The following OR51B5 variants were observed in gnomAD, a reference collection of about 807,000 sequenced individuals.
OR51B5 encodes the protein olfactory receptor 51B5.
For synonymous variants in OR51B5, 186 were observed against 144.8 expected (o/e 1.28, Z -2.04); for missense variants, 456 against 374.6 (o/e 1.22, Z -1.79).
chr11:5,488,629 TA>T, intron 1 of OR51B5: 1 of 1,106,946 alleles, frequency 9.0e-7, no homozygotes, highest in Non-Finnish European at 1.3e-6. Context: ...TTGTTTTACA[TA>T]AATCAACCAA....
chr11:5,365,790 T>TA (rs1849355698), intron 1 of OR51B5, among the ~76,000 whole-genome samples: 1 of 152,224 alleles, frequency 6.6e-6, no homozygotes, highest in Admixed American at 6.5e-5. Context: ...TCACCTCCAT[T>TA]ACCCACATTG....
chr11:5,384,414 C>A (rs1459941138), intron 1 of OR51B5, among the ~76,000 whole-genome samples: 184 of 152,318 alleles, frequency 1.2e-3, no homozygotes, highest in African/African-American at 4.2e-3. Flanking sequence ...CTGATATTCT[C>A]AGAGTCTATG....
chr11:5,444,378 G>A (rs1230611758), intron 1 of OR51B5, among the ~76,000 whole-genome samples: 1 of 152,104 alleles, frequency 6.6e-6, no homozygotes, highest in Non-Finnish European at 1.5e-5. Context: ...AAATGATGCA[G>A]CAGTACCTTA....
rs11036977 is a variant in OR51B5 at position 5,357,328 on chromosome 11, C to T, written n.85-10418G>A. Among the ~76,000 whole-genome samples, 19 of 149,562 alleles carry T rather than the reference C, an allele frequency of 1.3e-4. No homozygotes were observed. In the East Asian group the frequency reaches 2.7e-3, roughly 21 times the overall value. On this transcript the variant is annotated intron_variant and non_coding_transcript_variant, in intron 1 of 4. Transcript: ENST00000415970. Reference sequence around the variant, plus strand: ...AAAAAAAGGCAGGGGTTGCAATCCTCATCTCTGATAAAACAGGCTTTAAAC... The same window carrying T: ...AAAAAAAGGCAGGGGTTGCAATCCTTATCTCTGATAAAACAGGCTTTAAAC...
At chr11:5,377,699 C>T (rs1286000893) in intron 1 of OR51B5, among the ~76,000 whole-genome samples, 4 of 152,082 alleles carry the variant, frequency 2.6e-5, no homozygotes, top group Non-Finnish European at 5.9e-5. Context: ...CATGAGGGAA[C>T]TCCCATTCAC....
intron 1 of OR51B5, among the ~76,000 whole-genome samples, chr11:5,472,439 G>C (rs887601427): frequency 6.6e-6 from 1 of 152,004 alleles, no homozygotes; most frequent in Non-Finnish European, 1.5e-5. Flanking sequence ...TCCACTGAAG[G>C]GAGAAATACC....
chr11:5,385,816 G>GATTTTT (rs1849683302), intron 1 of OR51B5, among the ~76,000 whole-genome samples: 1 of 148,426 alleles, frequency 6.7e-6, no homozygotes, highest in South Asian at 2.1e-4. Flanking sequence ...AATCTATAAA[G>GATTTTT]TATATAAAGA....
chr11:5,436,572 T>G (rs913716086), intron 1 of OR51B5, among the ~76,000 whole-genome samples: 2 of 152,232 alleles, frequency 1.3e-5, no homozygotes, highest in Non-Finnish European at 2.9e-5. Context: ...AAGCAGTCTC[T>G]GGCAGCTTTA....
At chr11:5,442,007 T>C (rs2133777229) in intron 1 of OR51B5, among the ~76,000 whole-genome samples, 1 of 152,276 alleles carries the variant, frequency 6.6e-6, no homozygotes, top group Admixed American at 6.5e-5. Flanking sequence ...CTAAATTTAC[T>C]GTTTTCATAT....
At chr11:5,430,210 C>A (rs918122481) in intron 1 of OR51B5, among the ~76,000 whole-genome samples, 1 of 151,340 alleles carries the variant, frequency 6.6e-6, no homozygotes, top group South Asian at 2.1e-4. Flanking sequence ...AAGACATGTT[C>A]CTAGGATAAT....
At chr11:5,471,329 T>C (rs1851224804) in intron 1 of OR51B5, among the ~76,000 whole-genome samples, 1 of 152,132 alleles carries the variant, frequency 6.6e-6, no homozygotes, top group Non-Finnish European at 1.5e-5. Context: ...CAGTTCTAGT[T>C]TTAATGGTTA....
chr11:5,446,555 A>C (rs758229396), intron 1 of OR51B5, among the ~76,000 whole-genome samples: 1 of 152,228 alleles, frequency 6.6e-6, no homozygotes, highest in Non-Finnish European at 1.5e-5. Flanking sequence ...AGCATCTTTT[A>C]TATCAACTCA....
chr11:5,372,219 T>A (rs1849458321), intron 1 of OR51B5, among the ~76,000 whole-genome samples: 1 of 152,220 alleles, frequency 6.6e-6, no homozygotes, highest in African/African-American at 2.4e-5. Flanking sequence ...TGAATAATGC[T>A]GCAATTAACA....
At chr11:5,346,935 G>A (rs1202990340), upstream of OR51B5, 1 of 152,132 alleles carries the variant, frequency 6.6e-6, no homozygotes, top group Non-Finnish European at 1.5e-5. Flanking sequence ...AGTCACTGTG[G>A]TTATTAATAA....
chr11:5,377,389 G>C (rs1292428886), intron 1 of OR51B5, among the ~76,000 whole-genome samples: 2 of 152,162 alleles, frequency 1.3e-5, no homozygotes, highest in Non-Finnish European at 2.9e-5. Context: ...CATTCCCTTT[G>C]TAAACTGGCA....
intron 1 of OR51B5, among the ~76,000 whole-genome samples, chr11:5,419,754 G>A (rs1233545227): frequency 1.3e-5 from 2 of 151,842 alleles, no homozygotes; most frequent in African/African-American, 4.8e-5. Context: ...TGAAACCTTG[G>A]CAAGGGACAT....
At chr11:5,354,017 G>C (rs1375824491) in intron 1 of OR51B5, among the ~76,000 whole-genome samples, 1 of 152,028 alleles carries the variant, frequency 6.6e-6, no homozygotes, top group Admixed American at 6.6e-5. Context: ...TGTGCTCGAG[G>C]ATGGTAAATA....
intron 1 of OR51B5, among the ~76,000 whole-genome samples, chr11:5,480,650 A>G (rs1343765604): frequency 2.6e-5 from 4 of 151,970 alleles, no homozygotes; most frequent in Admixed American, 6.6e-5. Context: ...AATCAAATAG[A>G]TGCAATAAAA....
intron 1 of OR51B5, among the ~76,000 whole-genome samples, chr11:5,413,280 A>G (rs1231817747): frequency 1.3e-5 from 2 of 152,082 alleles, no homozygotes; most frequent in Non-Finnish European, 2.9e-5. Flanking sequence ...CCAAAAACCC[A>G]TCTGTACATC....
Sources: gnomAD v4.1 joint callset for allele counts (sites outside exome capture counted in the v4.1 genomes callset) on GRCh38, gnomAD v4.1.1 for gene constraint, MANE v1.5 for transcripts, NCBI Gene and HGNC (gene_info 2026-07-23, HGNC 2026-07-21) for gene names.